Variants in CSMD1 observed in about 807,000 individuals in gnomAD.
The protein encoded by CSMD1 is CUB and Sushi multiple domains 1.
In CSMD1, 213 loss-of-function variants were observed where a neutral mutation model predicts 417.5. The ratio of observed to expected loss-of-function variants is 0.51; its 90% CI spans 0.46 to 0.57. The LOEUF is 0.57. Among genes scored for constraint, CSMD1 ranks in the 20% least tolerant of loss-of-function variants. The probability of loss-of-function intolerance (pLI) is 0.00; values close to 1 mark genes in which losing one functional copy is unlikely to be tolerated. For synonymous variants in CSMD1, 2,862 were observed against 1,736.8 expected (o/e 1.65, Z -16.11); for missense variants, 6,923 against 4,529.7 (o/e 1.53, Z -15.17).
chr8:3,813,444 T>C (rs931968295), intron 5 of CSMD1, among the ~76,000 whole-genome samples: 8 of 152,282 alleles, frequency 5.3e-5, no homozygotes, highest in South Asian at 4.1e-4. Flanking sequence ...TAATTAAGTC[T>C]ATAAGCATGG....
At chr8:3,712,099 C>A (rs1429396123) in intron 6 of CSMD1, among the ~76,000 whole-genome samples, 1 of 152,294 alleles carries the variant, frequency 6.6e-6, no homozygotes. Context: ...TATTTTTCAA[C>A]AAGACAGTGT....
intron 62 of CSMD1, among the ~76,000 whole-genome samples, chr8:2,960,831 A>C (rs1803390956): frequency 6.6e-6 from 1 of 151,822 alleles, no homozygotes; most frequent in African/African-American, 2.4e-5. Context: ...AGAATTTAAC[A>C]GACAAATAAT....
chr8:4,427,735 TAATATA>T lies in CSMD1; in HGVS notation c.303-7676_303-7671del, dbSNP rs568364313. ...CAGCATATCACTAATTTGAAACTAT[TAATATA>T]AAGTATATAAATCTCTCAATAGAAA... On this transcript the variant is annotated intron_variant, in intron 2 of 69. Coordinates refer to ENST00000635120, the MANE Select transcript of CSMD1 (RefSeq NM_033225.6). Among the ~76,000 whole-genome samples, 500 of 152,314 alleles carry T rather than the reference TAATATA, an allele frequency of 3.3e-3. 4 individuals carry two copies. The highest frequency in any genetic ancestry group is 0.011 in the African/African-American group (470 of 41,578).
At chr8:4,206,557 T>C (rs998675252) in intron 3 of CSMD1, among the ~76,000 whole-genome samples, 5 of 152,204 alleles carry the variant, frequency 3.3e-5, no homozygotes, top group African/African-American at 7.2e-5. Flanking sequence ...GGTGTATATG[T>C]GCCACATTTT....
chr8:4,423,807 A>C (rs555278420), intron 2 of CSMD1, among the ~76,000 whole-genome samples: 21 of 151,960 alleles, frequency 1.4e-4, no homozygotes, highest in Non-Finnish European at 2.4e-4. Flanking sequence ...ACCTGATTTC[A>C]AGACTTATTT....
At chr8:4,287,062 G>C (rs1316435815) in intron 3 of CSMD1, among the ~76,000 whole-genome samples, 2 of 152,184 alleles carry the variant, frequency 1.3e-5, no homozygotes, top group African/African-American at 4.8e-5. Flanking sequence ...CTAAGGCTTA[G>C]TAACTTGAGA....
At chr8:3,688,693 G>A (rs1800073099) in intron 7 of CSMD1, among the ~76,000 whole-genome samples, 1 of 152,090 alleles carries the variant, frequency 6.6e-6, no homozygotes, top group Admixed American at 6.6e-5. Context: ...TTTCTGTAGG[G>A]CACTCTGAAT....
chr8:3,961,032 A>C (rs563731622), intron 5 of CSMD1, among the ~76,000 whole-genome samples: 12 of 152,076 alleles, frequency 7.9e-5, no homozygotes, highest in Admixed American at 7.9e-4. Flanking sequence ...CCCATTTTAA[A>C]AAAGAGGAAA....
chr8:4,630,552 T>A (rs1017747387), intron 2 of CSMD1, among the ~76,000 whole-genome samples: 3 of 152,012 alleles, frequency 2.0e-5, no homozygotes, highest in Non-Finnish European at 2.9e-5. Flanking sequence ...GGTCACTAAT[T>A]TAAAGCATAT....
intron 5 of CSMD1, among the ~76,000 whole-genome samples, chr8:3,990,454 G>T (rs567166998): frequency 1.3e-5 from 2 of 152,290 alleles, no homozygotes; most frequent in South Asian, 4.1e-4. Context: ...CATCTTTAGA[G>T]ACCAGGGATG....
intron 6 of CSMD1, among the ~76,000 whole-genome samples, chr8:3,726,630 A>C (rs984197809): frequency 9.2e-5 from 14 of 152,172 alleles, no homozygotes; most frequent in African/African-American, 2.9e-4. Flanking sequence ...TAGGTACATC[A>C]ATCCTTTTTT....
chr8:4,644,180 A>C (rs748885733), intron 1 of CSMD1, among the ~76,000 whole-genome samples: 22 of 152,286 alleles, frequency 1.4e-4, no homozygotes, highest in Non-Finnish European at 2.8e-4. Flanking sequence ...TATCACTCCA[A>C]AAGGAAAAGG....
intron 33 of CSMD1, among the ~76,000 whole-genome samples, chr8:3,191,247 G>C (rs948502399): frequency 1.6e-4 from 25 of 152,264 alleles, no homozygotes; most frequent in Admixed American, 5.2e-4. Flanking sequence ...TTGAGGTCGA[G>C]AGTTCGTTTA....
chr8:3,078,727 T>A (rs1198902007), intron 49 of CSMD1, among the ~76,000 whole-genome samples: 1 of 152,160 alleles, frequency 6.6e-6, no homozygotes, highest in Non-Finnish European at 1.5e-5. Context: ...AGAGAGCCAG[T>A]GTCTGATTTC....
intron 6 of CSMD1, among the ~76,000 whole-genome samples, chr8:3,746,994 G>T (rs762472283): frequency 5.3e-5 from 8 of 152,188 alleles, no homozygotes; most frequent in Admixed American, 6.5e-5. Context: ...ATCCGAAAAA[G>T]TTCCTCCTTT....
chr8:3,898,331 G>C lies in CSMD1; in HGVS notation c.818+99572C>G, dbSNP rs1056185752. On this transcript the variant is annotated intron_variant, in intron 5 of 69. Transcript: ENST00000635120. Reference sequence around the variant, plus strand: ...AAGGACAACTACTCTGATGTTATGTGAGCTATGTGTGTAGTAAACTCTCTG... The same window carrying C: ...AAGGACAACTACTCTGATGTTATGTCAGCTATGTGTGTAGTAAACTCTCTG... Among the ~76,000 whole-genome samples the C allele has an allele frequency of 1.5e-4, 23 of 151,682 alleles. No homozygotes were observed. In the East Asian group the frequency reaches 3.9e-3, roughly 26 times the overall value.
At chr8:3,534,402 C>G (rs747877877) in intron 10 of CSMD1, among the ~76,000 whole-genome samples, 9 of 151,692 alleles carry the variant, frequency 5.9e-5, no homozygotes, top group Non-Finnish European at 1.0e-4. Context: ...AGTTTAATGC[C>G]TCTTGATCTT....
intron 3 of CSMD1, among the ~76,000 whole-genome samples, chr8:4,371,972 T>A (rs906213991): frequency 6.6e-6 from 1 of 152,160 alleles, no homozygotes; most frequent in Non-Finnish European, 1.5e-5. Context: ...CTCATTGCCG[T>A]GATGGAAATG....
Position 3,158,471 on chromosome 8 carries a change from T to G in CSMD1, c.5845-505A>C, listed in dbSNP as rs182267715. On this transcript the variant is annotated intron_variant, in intron 38 of 69. Transcript: ENST00000635120. ...TTCAGCAAAGCACTGGGTCGTTTCT[T>G]TATCACAGAACGGAGACTTCACATT... Among the ~76,000 whole-genome samples, 6 of 152,282 alleles carry G rather than the reference T, an allele frequency of 3.9e-5. No homozygotes were observed. In the East Asian group the frequency reaches 1.2e-3, roughly 29 times the overall value.
Sources: allele counts gnomAD v4.1 joint callset (sites outside exome capture counted in the v4.1 genomes callset), GRCh38; gene constraint gnomAD v4.1.1; transcripts MANE v1.5; gene names NCBI Gene and HGNC (gene_info 2026-07-23, HGNC 2026-07-21).